Variants in PIEZO1 observed in about 807,000 individuals in gnomAD.
The protein encoded by PIEZO1 is piezo-type mechanosensitive ion channel component 1.
A neutral mutation model predicts 297.2 loss-of-function variants in PIEZO1; 296 were observed. That is an observed-to-expected ratio of 1.00 (90% CI 0.91 to 1.10). The LOEUF (loss-of-function observed/expected upper bound fraction) is 1.10. Ranked by LOEUF, PIEZO1 falls within the 50% of genes least tolerant of loss-of-function variation. The pLI is 0.00. For synonymous variants in PIEZO1, 2,427 were observed against 1,507.5 expected (o/e 1.61, Z -14.13); for missense variants, 5,018 against 3,455.5 (o/e 1.45, Z -11.34).
At chr16:88,782,861 G>T (rs960116357) in intron 1 of PIEZO1, among the ~76,000 whole-genome samples, 4 of 149,582 alleles carry the variant, frequency 2.7e-5, no homozygotes, top group Admixed American at 6.7e-5. Flanking sequence ...AGGCAGGCAG[G>T]GTTCTTGGCC....
chr16:88,776,157 G>A (rs968618814), intron 1 of PIEZO1, among the ~76,000 whole-genome samples: 25 of 152,326 alleles, frequency 1.6e-4, no homozygotes, highest in South Asian at 4.1e-4. Flanking sequence ...AAATGAGGCC[G>A]GGCGCGGTGG....
chr16:88,784,113 C>G (rs1263451305), intron 1 of PIEZO1, among the ~76,000 whole-genome samples: 1 of 152,236 alleles, frequency 6.6e-6, no homozygotes, highest in Non-Finnish European at 1.5e-5. Context: ...CACCAAGCCA[C>G]CCGGGTGTGC....
chr16:88,731,175 CAA>C (rs1455587602), intron 22 of PIEZO1: 3 of 156,256 alleles, frequency 1.9e-5, no homozygotes, highest in Non-Finnish European at 2.8e-5. Context: ...AGACCCAAGA[CAA>C]GAGACTAGAG....
chr16:88,779,354 G>C (rs528637934), intron 1 of PIEZO1, among the ~76,000 whole-genome samples: 4 of 152,302 alleles, frequency 2.6e-5, no homozygotes, highest in Admixed American at 2.0e-4. Context: ...TCCCATTTTG[G>C]ACGGCGTCGG....
Position 88,726,910 on chromosome 16 carries a change from C to A in PIEZO1, c.3504G>T (p.Trp1168Cys). 6.4e-7 allele frequency: 1 copy of A among 1,550,474 alleles called. No homozygotes were observed. The highest frequency in any genetic ancestry group is 1.4e-5 in the African/African-American group (1 of 73,162). Residue 1168 changes from tryptophan (W) to cysteine (C), a missense_variant, in exon 25 of 51, where the codon TGG becomes TGT. Trp to Cys is a radical substitution (Grantham distance 215, BLOSUM62 -2). Coordinates refer to ENST00000301015, the MANE Select transcript of PIEZO1 (RefSeq NM_001142864.4). The stretch of plus-strand genomic sequence containing the variant: ...TGACAAACACCACCACCAGCACCAG[C>A]CAGAACAGGTATCGGAAGACGGCCA... ...LKVAVFRYLFWLVLVVVFVTG... is the reference protein window; with the variant it reads ...LKVAVFRYLFCLVLVVVFVTG...
At chr16:88,733,237 G>T in intron 19 of PIEZO1, 41 bp downstream of exon 19, 2 of 1,517,730 alleles carry the variant, frequency 1.3e-6, no homozygotes, top group Non-Finnish European at 1.8e-6. Context: ...ATACAGAGTT[G>T]CCTGGAGCTT....
intron 21 of PIEZO1, among the ~76,000 whole-genome samples, 170 bp downstream of exon 21, chr16:88,732,165 C>G (rs1904893915): frequency 1.3e-5 from 2 of 151,984 alleles, no homozygotes; most frequent in East Asian, 3.9e-4. Flanking sequence ...GTTGTCAGCA[C>G]CGACACACCA....
rs1912065147 is a variant in PIEZO1 at position 88,716,703 on chromosome 16, C to T, written c.6782G>A (p.Ser2261Asn). The T allele has an allele frequency of 1.9e-6, 3 of 1,548,344 alleles. No homozygotes were observed. Among genetic ancestry groups the T allele is most frequent in the Non-Finnish European group, 1.7e-6 (2 of 1,146,892 alleles). ...CTGCGCCGTGACGATGTCCTCAGGG[C>T]TGTACTGGCTGATGAACTGCATGGC... is the stretch of plus-strand genomic sequence containing the variant. ...PLAMQFISQY[S>N]PEDIVTAQIE... The change falls in exon 47 of 51, where the codon AGC (serine) becomes AAC (asparagine). Residue 2261 changes from serine to asparagine, a missense_variant. By Grantham distance (46) the Ser-to-Asn change is conservative (BLOSUM62 1). Transcript: ENST00000301015.
At chr16:88,759,880 G>C (rs1906847031) in intron 1 of PIEZO1, among the ~76,000 whole-genome samples, 1 of 152,162 alleles carries the variant, frequency 6.6e-6, no homozygotes, top group Non-Finnish European at 1.5e-5. Context: ...CAGACAGAGG[G>C]GGAAGCTGTG....
chr16:88,722,307 C>T lies in PIEZO1; in HGVS notation c.4866G>A (p.Glu1622=), dbSNP rs60253125. The T allele has an allele frequency of 7.1e-4, 1,099 of 1,547,832 alleles. 8 individuals carry two copies. In the African/African-American group the frequency reaches 0.014, roughly 19 times the overall value. Residue 1622 remains glutamate (E), a synonymous_variant, in exon 36 of 51, where the codon GAG becomes GAA. Transcript: ENST00000301015. ...STGYHTRSGS[E]EAVTDPGERE... ...GCTCCCCGGGGTCGGTGACTGCCTC[C>T]TCACTGCCACTGCGCGTGTGGTAGC...
At chr16:88,781,392 C>A (rs1197982229) in intron 1 of PIEZO1, among the ~76,000 whole-genome samples, 1 of 152,232 alleles carries the variant, frequency 6.6e-6, no homozygotes, top group East Asian at 1.9e-4. Context: ...TGTGACCCAT[C>A]CTCAGCTCCT....
chr16:88,737,213 G>T, intron 10 of PIEZO1: 10 of 253,544 alleles, frequency 3.9e-5, no homozygotes, highest in Middle Eastern at 1.3e-3. Flanking sequence ...GGGCCACTGG[G>T]CCACCTGGAG....
At position 88,722,338 on chromosome 16, in the gene PIEZO1, C is replaced by G. The variant is rs1200530886; in HGVS notation, c.4835G>C (p.Ser1612Thr). 1 of 1,540,272 alleles carries G rather than the reference C, an allele frequency of 6.5e-7. No homozygotes were observed. Among genetic ancestry groups the G allele is most frequent in the African/African-American group, 1.4e-5 (1 of 72,876 alleles). Residue 1612 changes from serine to threonine, a missense_variant, in exon 36 of 51, where the codon AGC (serine) becomes ACC (threonine). Transcript: ENST00000301015. ...SMTDDMGSPLSTGYHTRSGSE... is the reference protein window; with the variant it reads ...SMTDDMGSPLTTGYHTRSGSE... The stretch of plus-strand genomic sequence containing the variant: ...GCCACTGCGCGTGTGGTAGCCGGTG[C>G]TCAGGGGGCTGCCCATGTCGTCTGT...
In PIEZO1 at chr16:88,737,792, T is replaced by A; in HGVS notation, c.1043A>T (p.Tyr348Phe). The A allele has an allele frequency of 6.5e-7, 1 of 1,535,778 alleles. No individual in the cohort carries two copies. Among genetic ancestry groups the A allele is most frequent in the Non-Finnish European group, 8.7e-7 (1 of 1,146,722 alleles). ...SGQRKEAAKG[Y>F]EARELELAEL... The stretch of plus-strand genomic sequence containing the variant: ...TGCTAGCTCCAGCTCCCGAGCCTCA[T>A]ACCCCTTTGCCGCCTCCTTCCTCTG... The change falls in exon 9 of 51, where the codon TAT becomes TTT. Residue 348 changes from tyrosine to phenylalanine, a missense_variant. Physicochemically the swap from Tyr to Phe is conservative, Grantham distance 22. Transcript: ENST00000301015.
chr16:88,749,040 A>G (rs1021945015), intron 2 of PIEZO1, among the ~76,000 whole-genome samples: 10 of 150,948 alleles, frequency 6.6e-5, no homozygotes, highest in East Asian at 3.9e-4. Context: ...GATCGAGACC[A>G]TCCTGGCTAT....
At chr16:88,720,042 A>G (rs1247856773) in intron 42 of PIEZO1, 27 bp downstream of exon 42, 1 of 1,549,458 alleles carries the variant, frequency 6.5e-7, no homozygotes, top group Non-Finnish European at 8.7e-7. Context: ...GCCCCTGGAG[A>G]CCGAGCGCCC....
chr16:88,742,783 G>A lies in PIEZO1; in HGVS notation c.161-361C>T, dbSNP rs956157710. 7 of 343,748 alleles carry A rather than the reference G, an allele frequency of 2.0e-5. No individual in the cohort carries two copies. The Admixed American group carries it at 2.0e-4, about 10-fold the overall frequency. 21.3% of individuals were successfully genotyped at this position (343,748 alleles called of 1,614,324 possible). ...AGCAGAGGAAATAGACACAAGGAGA[G>A]GCAAGAAGCTCCACCTCACCCCAGT... On this transcript the variant is annotated intron_variant, in intron 2 of 50. Coordinates refer to ENST00000301015, the MANE Select transcript of PIEZO1 (RefSeq NM_001142864.4).
In PIEZO1 at chr16:88,732,590, C is replaced by G. The variant is rs1904935885; in HGVS notation, c.2790+17G>C. 1.3e-6 allele frequency: 2 copies of G among 1,545,388 alleles called. No individual in the cohort carries two copies. The highest frequency in any genetic ancestry group is 1.7e-6 in the Non-Finnish European group (2 of 1,143,274). ...GGGTACTCGCCCGCCCAGCCGCCCACCAGCCCTTCAACTCACCTGGATGTA... is the reference window on the plus strand; with the variant it reads ...GGGTACTCGCCCGCCCAGCCGCCCAGCAGCCCTTCAACTCACCTGGATGTA... On this transcript the variant is annotated intron_variant, in intron 20 of 50. Transcript: ENST00000301015.
intron 1 of PIEZO1, among the ~76,000 whole-genome samples, chr16:88,770,296 G>T (rs990442980): frequency 1.3e-5 from 2 of 152,010 alleles, no homozygotes; most frequent in Non-Finnish European, 2.9e-5. Context: ...TGCACAGCCC[G>T]CTCCCCCATG....
Sources: allele counts gnomAD v4.1 joint callset (sites outside exome capture counted in the v4.1 genomes callset), GRCh38; gene constraint gnomAD v4.1.1; transcripts MANE v1.5; gene names NCBI Gene and HGNC (gene_info 2026-07-23, HGNC 2026-07-21).